KIAA1549L: variants seen among roughly 807,000 people sequenced by gnomAD.
KIAA1549L encodes the protein KIAA1549 like, also known as UPF0606 protein KIAA1549L.
KIAA1549L carries 88 observed loss-of-function variants against 160.7 expected under a neutral mutation model. That is an observed-to-expected ratio of 0.55 (90% CI 0.46 to 0.65). The LOEUF is 0.65. Among genes scored for constraint, KIAA1549L ranks in the 30% least tolerant of loss-of-function variants. The probability of loss-of-function intolerance (pLI) is 0.00; values close to 1 mark genes in which losing one functional copy is unlikely to be tolerated. For missense variants in KIAA1549L, 2,258 were observed against 2,437.5 expected, an observed-to-expected ratio of 0.93 and a Z score of 1.55; for synonymous variants, 950 against 976.7, an observed-to-expected ratio of 0.97 and a Z score of 0.51.
intron 1 of KIAA1549L, among the ~76,000 whole-genome samples, chr11:33,421,649 A>G (rs1851013904): frequency 6.6e-6 from 1 of 152,224 alleles, no homozygotes; most frequent in South Asian, 2.1e-4. Flanking sequence ...AAGTAATCCA[A>G]ATATATACTG....
chr11:33,512,712 C>T (rs1310969638), intron 1 of KIAA1549L, among the ~76,000 whole-genome samples: 4 of 152,298 alleles, frequency 2.6e-5, no homozygotes, highest in South Asian at 4.2e-4. Flanking sequence ...TGAGCCATTG[C>T]GCCCGGCCCC....
chr11:33,451,349 A>G (rs528322927), intron 1 of KIAA1549L, among the ~76,000 whole-genome samples: 2 of 152,384 alleles, frequency 1.3e-5, no homozygotes, highest in African/African-American at 4.8e-5. Context: ...TCAGGAAGGC[A>G]TAAAGTGTTA....
chr11:33,403,044 CAG>C (rs368347472), intron 1 of KIAA1549L, among the ~76,000 whole-genome samples: 143 of 152,238 alleles, frequency 9.4e-4, no homozygotes, highest in African/African-American at 2.9e-3. Flanking sequence ...ATCTTGACAA[CAG>C]AGTAAGATTA....
At chr11:33,545,523 T>G in intron 3 of KIAA1549L, 145 bp downstream of exon 3, 1 of 1,013,242 alleles carries the variant, frequency 9.9e-7, no homozygotes, top group Non-Finnish European at 1.4e-6. Context: ...GGAGACATTT[T>G]TGGTTGTTAT....
intron 13 of KIAA1549L, among the ~76,000 whole-genome samples, chr11:33,602,021 G>A (rs1475998815): frequency 2.0e-5 from 3 of 152,212 alleles, no homozygotes; most frequent in Non-Finnish European, 4.4e-5. Context: ...TGGAAAATAT[G>A]TTTAATAGGA....
chr11:33,447,316 GACCT>G (rs1362181463), intron 1 of KIAA1549L, among the ~76,000 whole-genome samples: 1 of 152,136 alleles, frequency 6.6e-6, no homozygotes, highest in Non-Finnish European at 1.5e-5. Context: ...TGTGAGTAAT[GACCT>G]ACCTATATGA....
rs533122757 is a variant in KIAA1549L at position 33,487,103 on chromosome 11, G to A, written c.239-54699G>A. On this transcript the variant is annotated intron_variant, in intron 1 of 20. Coordinates refer to ENST00000658780, the MANE Select transcript of KIAA1549L (RefSeq NM_012194.3). ...CTCTGCCTCGACCTTTAGGAGGCCCGCTGATGGGGAAAAGATAACATCTAA... is the reference window on the plus strand; with the variant it reads ...CTCTGCCTCGACCTTTAGGAGGCCCACTGATGGGGAAAAGATAACATCTAA... Among the ~76,000 whole-genome samples, 119 of 152,284 alleles carry A rather than the reference G, an allele frequency of 7.8e-4. 1 individual carries two copies. The highest frequency in any genetic ancestry group is 1.2e-3 in the Admixed American group (19 of 15,300).
chr11:33,576,308 T>C (rs951467070), intron 10 of KIAA1549L, among the ~76,000 whole-genome samples: 16 of 152,180 alleles, frequency 1.1e-4, no homozygotes, highest in African/African-American at 3.9e-4. Context: ...TTGTATTGTC[T>C]TGCTCGGCCG....
chr11:33,632,340 A>G (rs1163272614), intron 16 of KIAA1549L, among the ~76,000 whole-genome samples: 1 of 152,212 alleles, frequency 6.6e-6, no homozygotes, highest in Non-Finnish European at 1.5e-5. Context: ...GACAAGGTTT[A>G]TGGGTTTTAC....
At position 33,559,997 on chromosome 11, in the gene KIAA1549L, TACTACC is replaced by T. The variant is rs767446780; in HGVS notation, c.4018+89_4018+94del. On this transcript the variant is annotated intron_variant, in intron 7 of 20. Coordinates refer to ENST00000658780, the MANE Select transcript of KIAA1549L (RefSeq NM_012194.3). Reference sequence around the variant, plus strand: ...CAAACATTTATAGTGCCAGGCCACATACTACCACCTTTATCATAAAGTGACAGCTAA... The same window carrying T: ...CAAACATTTATAGTGCCAGGCCACATACCTTTATCATAAAGTGACAGCTAA... 1,659 of 451,852 alleles carry T rather than the reference TACTACC, an allele frequency of 3.7e-3. 8 individuals are homozygous for T. Among genetic ancestry groups the T allele is most frequent in the Middle Eastern group, 7.5e-3 (10 of 1,330 alleles). The allele number at this position is 451,852 out of a possible 1,614,324, so 28.0% of individuals were successfully genotyped here. A position where few individuals can be genotyped will look rare whatever the true frequency, so the allele number is the denominator to read the frequency against.
intron 1 of KIAA1549L, among the ~76,000 whole-genome samples, chr11:33,488,313 G>A (rs745328088): frequency 5.9e-5 from 9 of 152,082 alleles, no homozygotes; most frequent in Non-Finnish European, 1.2e-4. Context: ...CTACAAGTGC[G>A]CTCCTCCTCA....
intron 6 of KIAA1549L, among the ~76,000 whole-genome samples, chr11:33,553,306 AT>A (rs5790938): frequency 0.7 from 100,753 of 144,844 alleles, 35,143 homozygotes; most frequent in Middle Eastern, 0.76. Flanking sequence ...GGTGCGCTGT[AT>A]TTTTTTTTTT....
chr11:33,378,607 C>T (rs987227333), intron 1 of KIAA1549L, among the ~76,000 whole-genome samples: 1 of 152,148 alleles, frequency 6.6e-6, no homozygotes, highest in Non-Finnish European at 1.5e-5. Context: ...GAGTCCTCTC[C>T]GTCTTTCTCC....
chr11:33,390,772 A>G (rs990177708), intron 1 of KIAA1549L, among the ~76,000 whole-genome samples: 6 of 152,190 alleles, frequency 3.9e-5, no homozygotes, highest in African/African-American at 1.4e-4. Flanking sequence ...GGAAGATAAC[A>G]ATGACAGGTG....
At chr11:33,561,869 A>G in intron 8 of KIAA1549L, 134 bp downstream of exon 8, 1 of 656,916 alleles carries the variant, frequency 1.5e-6, no homozygotes, top group Non-Finnish European at 2.7e-6. Context: ...TTACTTCTAC[A>G]GGACCAGAAG....
In KIAA1549L at chr11:33,672,750, C is replaced by G. The variant is rs1161769015; in HGVS notation, c.*4596C>G. 3 of 153,838 alleles carry G rather than the reference C, an allele frequency of 2.0e-5. No individual in the cohort carries two copies. Among genetic ancestry groups the G allele is most frequent in the Non-Finnish European group, 2.9e-5 (2 of 68,094 alleles). 9.5% of individuals were successfully genotyped at this position (153,838 alleles called of 1,614,324 possible). A position where few individuals can be genotyped will look rare whatever the true frequency, so the allele number is the denominator to read the frequency against. On this transcript the variant is annotated 3_prime_UTR_variant, in exon 21 of 21. Coordinates refer to ENST00000658780, the MANE Select transcript of KIAA1549L (RefSeq NM_012194.3). The stretch of plus-strand genomic sequence containing the variant: ...CTGCCCCAGCCACTTCTCACCCCAC[C>G]ACCAGTTATTGATACAGCCGCTGGG...
intron 1 of KIAA1549L, among the ~76,000 whole-genome samples, chr11:33,488,242 A>G (rs946338308): frequency 2.6e-5 from 4 of 152,240 alleles, no homozygotes; most frequent in Non-Finnish European, 4.4e-5. Context: ...TGTTAATGTC[A>G]TAAGTATTTA....
At chr11:33,598,750 A>G in intron 12 of KIAA1549L, 70 bp from the exon 13 acceptor site, 1 of 1,568,530 alleles carries the variant, frequency 6.4e-7, no homozygotes, top group Non-Finnish European at 8.7e-7. Context: ...CTGTGCAAAT[A>G]AAATAACCTT....
intron 1 of KIAA1549L, among the ~76,000 whole-genome samples, chr11:33,473,417 A>C (rs1852223481): frequency 1.3e-5 from 2 of 152,188 alleles, no homozygotes; most frequent in South Asian, 2.1e-4. Context: ...TGTCCAAGAC[A>C]AGTCTTAGAG....
Sources: allele counts gnomAD v4.1 joint callset (sites outside exome capture counted in the v4.1 genomes callset), GRCh38; gene constraint gnomAD v4.1.1; transcripts MANE v1.5; gene names NCBI Gene and HGNC (gene_info 2026-07-23, HGNC 2026-07-21).